The following ATP11A variants were observed in gnomAD, a reference collection of about 807,000 sequenced individuals.
ATP11A encodes the protein ATPase phospholipid transporting 11A.
In ATP11A, 81 loss-of-function variants were observed where a neutral mutation model predicts 154.4. That is an observed-to-expected ratio of 0.52 (90% CI 0.44 to 0.63). The LOEUF (loss-of-function observed/expected upper bound fraction) is 0.63, where lower values mean the gene tolerates loss of function less well. Among genes scored for constraint, ATP11A ranks in the 30% least tolerant of loss-of-function variants. The pLI, the probability that ATP11A is intolerant of heterozygous loss-of-function variation, is 0.00. For synonymous variants in ATP11A, 623 were observed against 585.9 expected (o/e 1.06, Z -0.91); for missense variants, 1,316 against 1,474.3 (o/e 0.89, Z 1.76).
Position 112,781,784 on chromosome 13 carries a change from C to CAAAA in ATP11A, c.40-3335_40-3332dup, listed in dbSNP as rs748401969. Among the ~76,000 whole-genome samples the CAAAA allele has an allele frequency of 2.0e-3, 206 of 101,326 alleles. 7 individuals are homozygous for CAAAA. Among genetic ancestry groups the CAAAA allele is most frequent in the South Asian group, 3.8e-3 (10 of 2,644 alleles). The allele number at this position is 101,326 out of a possible 152,430, so 66.5% of individuals were successfully genotyped here. On this transcript the variant is annotated intron_variant, in intron 1 of 29. Transcript: ENST00000375645. Reference sequence around the variant, plus strand: ...TCTTAATAAACTTGCTTTCACTTTGCAAAAAAAAAAAAAAAAAAAGAATTT... The same window carrying CAAAA: ...TCTTAATAAACTTGCTTTCACTTTGCAAAAAAAAAAAAAAAAAAAAAAAGAATTT...
intron 2 of ATP11A, among the ~76,000 whole-genome samples, chr13:112,787,952 G>A (rs142613762): frequency 2.3e-4 from 35 of 150,896 alleles, no homozygotes; most frequent in East Asian, 2.2e-3. Context: ...GTCCTGATGC[G>A]TAGACTCCTG....
intron 2 of ATP11A, among the ~76,000 whole-genome samples, chr13:112,791,641 C>T (rs773813047): frequency 3.3e-5 from 5 of 152,160 alleles, no homozygotes; most frequent in Admixed American, 3.3e-4. Context: ...TTGTCCTTTT[C>T]CTACTGTCCG....
At chr13:112,835,012 C>T (rs574870462) in intron 15 of ATP11A, among the ~76,000 whole-genome samples, 1 of 152,388 alleles carries the variant, frequency 6.6e-6, no homozygotes, top group South Asian at 2.1e-4. Context: ...CCCTTTGCCT[C>T]CACGAGGGGA....
intron 13 of ATP11A, among the ~76,000 whole-genome samples, chr13:112,832,627 G>A (rs2079125221): frequency 2.0e-5 from 3 of 152,170 alleles, no homozygotes; most frequent in Admixed American, 6.5e-5. Context: ...GGTGCTGAAC[G>A]CACGCCCGTT....
intron 1 of ATP11A, chr13:112,745,507 TCTTA>T (rs1209352579): frequency 6.6e-6 from 1 of 152,238 alleles, no homozygotes; most frequent in Non-Finnish European, 1.5e-5. Flanking sequence ...AGTACTAAGC[TCTTA>T]CTGTGTACCC....
Position 112,859,408 on chromosome 13 carries a change from T to G in ATP11A, c.2683T>G (p.Phe895Val). The G allele has an allele frequency of 6.2e-7, 1 of 1,614,090 alleles. No homozygotes were observed. The highest frequency in any genetic ancestry group is 8.5e-7 in the Non-Finnish European group (1 of 1,179,932). Residue 895 changes from phenylalanine to valine, a missense_variant, in exon 23 of 30, where the codon TTC becomes GTC. Transcript: ENST00000375645. This position sits in a 1 kb window ranked among gnomAD's most constrained non-coding sequence, Gnocchi z 4.3. ...YFFYKNVCFI[F>V]PQFLYQFFCG... ...TGCCTTTCAGAACGTCTGCTTCATC[T>G]TCCCTCAGTTTTTATACCAGTTCTT... is the stretch of plus-strand genomic sequence containing the variant.
At position 112,819,341 on chromosome 13, in the gene ATP11A, CAGA is replaced by C. The variant is rs747167412; in HGVS notation, c.609_611del (p.Glu205del). On this transcript the variant is annotated inframe_deletion, in exon 7 of 30. Coordinates refer to ENST00000375645, the MANE Select transcript of ATP11A (RefSeq NM_015205.3). ...GTCCAGGACACCAAAGGCTTCCACA[CAGA>C]GGAGGATATCGGCGGACTTCACGCC... 3.7e-6 allele frequency: 6 copies of C among 1,614,096 alleles called. No individual in the cohort carries two copies. The East Asian group carries it at 1.1e-4, about 30-fold the overall frequency.
chr13:112,870,673 G>A (rs189400175), intron 25 of ATP11A, among the ~76,000 whole-genome samples: 298 of 152,320 alleles, frequency 2.0e-3, no homozygotes, highest in Admixed American at 5.5e-3. Flanking sequence ...CACCACACCC[G>A]GCCCGCTTTT....
chr13:112,720,558 T>G (rs547334486), intron 1 of ATP11A, among the ~76,000 whole-genome samples: 5 of 149,226 alleles, frequency 3.4e-5, no homozygotes, highest in South Asian at 2.1e-4. Context: ...AGTCTGTTTG[T>G]TTTTTTTTTA....
At chr13:112,839,082 G>T (rs2079320670) in intron 16 of ATP11A, among the ~76,000 whole-genome samples, 1 of 152,152 alleles carries the variant, frequency 6.6e-6, no homozygotes, top group South Asian at 2.1e-4. Flanking sequence ...TCAGTCATGT[G>T]TGCTTTCCTG....
chr13:112,725,163 A>C (rs1020817323), intron 1 of ATP11A, among the ~76,000 whole-genome samples: 3 of 151,888 alleles, frequency 2.0e-5, no homozygotes, highest in Non-Finnish European at 2.9e-5. Flanking sequence ...GACACTGCAA[A>C]CCCCCCTTGT....
chr13:112,801,800 T>A (rs951627527), intron 2 of ATP11A, among the ~76,000 whole-genome samples: 3 of 152,220 alleles, frequency 2.0e-5, no homozygotes, highest in African/African-American at 7.2e-5. Context: ...AATGGAGAGA[T>A]GTTCCATGTT....
At position 112,758,020 on chromosome 13, in the gene ATP11A, C is replaced by T. The variant is rs551223477; in HGVS notation, c.40-27115C>T. 2.8e-4 allele frequency among the ~76,000 whole-genome samples: 43 copies of T among 152,374 alleles called. No individual in the cohort carries two copies. In the East Asian group the frequency reaches 7.9e-3, roughly 28 times the overall value. On this transcript the variant is annotated intron_variant, in intron 1 of 29. Transcript: ENST00000375645. The stretch of plus-strand genomic sequence containing the variant: ...GCACGAGTGCGGGACACATGCTACT[C>T]AGGTTCCATCCAAGTCTCAACCTTT...
intron 2 of ATP11A, among the ~76,000 whole-genome samples, chr13:112,797,119 T>A (rs926737069): frequency 3.3e-5 from 5 of 151,214 alleles, no homozygotes; most frequent in African/African-American, 4.9e-5. Flanking sequence ...AAAATAAAAA[T>A]TTTTTTTAAA....
At chr13:112,715,624 C>T (rs1364664891) in intron 1 of ATP11A, among the ~76,000 whole-genome samples, 1 of 133,830 alleles carries the variant, frequency 7.5e-6, no homozygotes, top group African/African-American at 2.7e-5. Flanking sequence ...ACTGCCCCTC[C>T]TCCCCAGAGG....
intron 1 of ATP11A, among the ~76,000 whole-genome samples, chr13:112,778,680 A>G (rs1795404636): frequency 5.4e-5 from 3 of 55,568 alleles, no homozygotes; most frequent in South Asian, 5.7e-4. Context: ...TAGCCACTGG[A>G]GTGAGTAGCC....
At position 112,886,822 on chromosome 13, in the gene ATP11A, A is replaced by T. The variant is rs1290250650; in HGVS notation, c.*4956A>T. The stretch of plus-strand genomic sequence containing the variant: ...AATAAAAGAAGGTCTTCAAAAATGT[A>T]TTTAACATGAATGGTATCCATAGTT... On this transcript the variant is annotated 3_prime_UTR_variant, in exon 30 of 30. Transcript: ENST00000375645. 6.6e-6 allele frequency: 1 copy of T among 152,512 alleles called. No individual in the cohort carries two copies. The highest frequency in any genetic ancestry group is 1.5e-5 in the Non-Finnish European group (1 of 68,038). 9.4% of individuals were successfully genotyped at this position (152,512 alleles called of 1,614,324 possible).
chr13:112,732,643 G>A (rs1436896352), intron 1 of ATP11A, among the ~76,000 whole-genome samples: 4 of 152,148 alleles, frequency 2.6e-5, no homozygotes, highest in Non-Finnish European at 5.9e-5. Context: ...ACAGAGTCTC[G>A]CTTTGTTGCC....
At chr13:112,848,406 G>A (rs573227514) in intron 17 of ATP11A, among the ~76,000 whole-genome samples, 2 of 152,032 alleles carry the variant, frequency 1.3e-5, no homozygotes, top group African/African-American at 4.8e-5. Context: ...TAGTTTTCGT[G>A]TGTTGACTTT....
Sources: allele counts gnomAD v4.1 joint callset (sites outside exome capture counted in the v4.1 genomes callset), GRCh38; gene constraint gnomAD v4.1.1; non-coding constraint Gnocchi (gnomAD v3.1); transcripts MANE v1.5; gene names NCBI Gene and HGNC (gene_info 2026-07-23, HGNC 2026-07-21).